The following PVT1 variants were observed in gnomAD, a reference collection of about 807,000 sequenced individuals.
The protein encoded by PVT1 is Pvt1 oncogene.
chr8:127,997,073 A>G (rs1224135426), intron 4 of PVT1, among the ~76,000 whole-genome samples: 81 of 37,806 alleles, frequency 2.1e-3, no homozygotes, highest in Non-Finnish European at 3.5e-3. Flanking sequence ...TTGTTTTTTG[A>G]TACAGAGTTT....
chr8:128,027,295 C>T (rs1383745677), intron 4 of PVT1, among the ~76,000 whole-genome samples: 1 of 152,196 alleles, frequency 6.6e-6, no homozygotes, highest in Non-Finnish European at 1.5e-5. Flanking sequence ...ACCTAGAGTG[C>T]CAGGCTCTGT....
At chr8:127,796,977 C>T (rs1168677668) in intron 2 of PVT1, among the ~76,000 whole-genome samples, 1 of 149,096 alleles carries the variant, frequency 6.7e-6, no homozygotes, top group African/African-American at 2.5e-5. Context: ...CTCCCAGGTT[C>T]AAGCGATTCT....
chr8:127,849,479 T>TG (rs1255843663), intron 2 of PVT1, among the ~76,000 whole-genome samples: 1 of 152,140 alleles, frequency 6.6e-6, no homozygotes, highest in Non-Finnish European at 1.5e-5. Context: ...TAGGATCCTA[T>TG]GAAAAACTCC....
intron 3 of PVT1, among the ~76,000 whole-genome samples, chr8:127,972,434 C>G (rs1340483312): frequency 2.0e-5 from 3 of 152,176 alleles, no homozygotes; most frequent in Admixed American, 6.5e-5. Context: ...GTTGCTCCTG[C>G]TTGAGTTAGA....
At chr8:128,048,236 A>G (rs1813643574) in intron 4 of PVT1, among the ~76,000 whole-genome samples, 1 of 152,250 alleles carries the variant, frequency 6.6e-6, no homozygotes, top group South Asian at 2.1e-4. Context: ...GAGAAGGCAC[A>G]CAATAGGCTT....
chr8:128,073,723 A>T (rs1237038996), intron 5 of PVT1, among the ~76,000 whole-genome samples: 1 of 152,116 alleles, frequency 6.6e-6, no homozygotes, highest in Non-Finnish European at 1.5e-5. Flanking sequence ...GATACTGTCT[A>T]GAATACCAGA....
rs538717596 is a variant in PVT1 at position 127,813,210 on chromosome 8, AAT to A, written n.372+17151_372+17152del. ...TATATACAAATATATATAATATACA[AAT>A]ATATATATATAATATATACAAATAT... is the stretch of plus-strand genomic sequence containing the variant. On this transcript the variant is annotated intron_variant and non_coding_transcript_variant, in intron 2 of 10. Transcript: ENST00000651587. Among the ~76,000 whole-genome samples the A allele has an allele frequency of 5.6e-3, 303 of 54,588 alleles. 1 individual carries two copies. Among genetic ancestry groups the A allele is most frequent in the African/African-American group, 0.024 (228 of 9,628 alleles). 35.8% of individuals were successfully genotyped at this position (54,588 alleles called of 152,430 possible).
chr8:128,101,001 C>CA (rs1475253510), intron 6 of PVT1: 2 of 152,256 alleles, frequency 1.3e-5, no homozygotes, highest in African/African-American at 4.8e-5. Context: ...GTCTGACACC[C>CA]ATGACTCCAC....
At chr8:128,004,524 G>A (rs968242448) in intron 4 of PVT1, among the ~76,000 whole-genome samples, 9 of 152,088 alleles carry the variant, frequency 5.9e-5, no homozygotes, top group African/African-American at 1.4e-4. Context: ...CACAATCTCC[G>A]TTTTCCTATT....
chr8:127,886,351 A>G (rs1189968855), intron 2 of PVT1, among the ~76,000 whole-genome samples: 1 of 152,204 alleles, frequency 6.6e-6, no homozygotes, highest in Non-Finnish European at 1.5e-5. Flanking sequence ...ATATCTATAA[A>G]TTAATGTCTT....
chr8:127,945,721 C>A (rs1816412150), intron 3 of PVT1, among the ~76,000 whole-genome samples: 1 of 152,226 alleles, frequency 6.6e-6, no homozygotes, highest in South Asian at 2.1e-4. Flanking sequence ...GCAGTTTTTT[C>A]TGTCACGTAG....
chr8:127,859,354 G>T (rs781620684), intron 2 of PVT1, among the ~76,000 whole-genome samples: 2 of 152,018 alleles, frequency 1.3e-5, no homozygotes, highest in African/African-American at 4.8e-5. Context: ...CCTCATACCG[G>T]CCATGACCTT....
At chr8:128,055,689 C>T (rs191326767) in intron 4 of PVT1, among the ~76,000 whole-genome samples, 73 of 152,298 alleles carry the variant, frequency 4.8e-4, no homozygotes, top group African/African-American at 1.6e-3. Context: ...CATTTGGAAT[C>T]GGTGTGTGGC....
intron 4 of PVT1, among the ~76,000 whole-genome samples, chr8:128,066,834 C>T (rs750507925): frequency 2.6e-5 from 4 of 152,188 alleles, no homozygotes; most frequent in Admixed American, 6.5e-5. Flanking sequence ...GGTCTTCACT[C>T]GTCTCTTTCC....
At chr8:128,006,287 A>C (rs1817247195) in intron 4 of PVT1, among the ~76,000 whole-genome samples, 2 of 152,114 alleles carry the variant, frequency 1.3e-5, no homozygotes, top group African/African-American at 4.8e-5. Flanking sequence ...CAACAGCATT[A>C]GTAATGTATC....
chr8:127,900,578 C>T (rs905613484), intron 3 of PVT1, among the ~76,000 whole-genome samples: 4 of 152,174 alleles, frequency 2.6e-5, no homozygotes, highest in African/African-American at 9.7e-5. Flanking sequence ...CTGCACTTTC[C>T]TCTTTTCTCC....
intron 4 of PVT1, among the ~76,000 whole-genome samples, chr8:128,002,965 CCCT>C (rs1563662811): frequency 1.2e-4 from 9 of 77,490 alleles, no homozygotes; most frequent in African/African-American, 3.0e-4. Flanking sequence ...CTCCCTCCCT[CCCT>C]CTTCCTTCCT....
At chr8:127,798,889 G>A (rs570240404) in intron 2 of PVT1, among the ~76,000 whole-genome samples, 40 of 151,812 alleles carry the variant, frequency 2.6e-4, no homozygotes, top group South Asian at 6.3e-4. Flanking sequence ...ACAAACAACC[G>A]CCTCGGTCTT....
At chr8:127,930,591 GGT>G (rs1304462905) in intron 3 of PVT1, among the ~76,000 whole-genome samples, 3 of 152,194 alleles carry the variant, frequency 2.0e-5, no homozygotes, top group South Asian at 2.1e-4. Context: ...AAACAAAGAT[GGT>G]GTGTGTGTGC....
Sources: allele counts gnomAD v4.1 joint callset (sites outside exome capture counted in the v4.1 genomes callset), GRCh38; gene constraint gnomAD v4.1.1; transcripts MANE v1.5; gene names NCBI Gene and HGNC (gene_info 2026-07-23, HGNC 2026-07-21).